The following IQCH variants were observed in gnomAD, a reference collection of about 807,000 sequenced individuals.
IQCH encodes IQ domain-containing protein H.
Under a neutral mutation model 117.0 loss-of-function variants are expected in IQCH, and 98 were observed. That is an observed-to-expected ratio of 0.84 (90% CI 0.71 to 0.99). The LOEUF (loss-of-function observed/expected upper bound fraction) is 0.99. Among genes scored for constraint, IQCH ranks in the 50% least tolerant of loss-of-function variants. The probability of loss-of-function intolerance (pLI) is 0.00; values close to 1 mark genes in which losing one functional copy is unlikely to be tolerated. For synonymous variants in IQCH, 412 were observed against 448.2 expected (o/e 0.92, Z 1.02); for missense variants, 1,102 against 1,243.8 (o/e 0.89, Z 1.72).
chr15:67,326,247 T>A (rs1477620892), intron 4 of IQCH, among the ~76,000 whole-genome samples: 2 of 152,194 alleles, frequency 1.3e-5, no homozygotes, highest in African/African-American at 2.4e-5. Flanking sequence ...GATAGTTTGC[T>A]CAGAATCATG....
chr15:67,318,977 A>G (rs1003402223), intron 4 of IQCH, among the ~76,000 whole-genome samples: 1 of 152,268 alleles, frequency 6.6e-6, no homozygotes, highest in African/African-American at 2.4e-5. Flanking sequence ...CTGTAATCCC[A>G]GCACTTTGGG....
chr15:67,442,884 A>G (rs1567193385), intron 16 of IQCH, among the ~76,000 whole-genome samples: 1 of 148,588 alleles, frequency 6.7e-6, no homozygotes, highest in Non-Finnish European at 1.5e-5. Flanking sequence ...ATATATATAT[A>G]AAATACATAT....
In IQCH at chr15:67,386,581, ATTATT is replaced by A. The variant is rs1392932766; in HGVS notation, c.1456+1563_1456+1567del. ...AAGTAATAATTTTATGGAAGAATACATTATTATCCCCTATGGTTTTTCTTCTTATT... is the reference window on the plus strand; with the variant it reads ...AAGTAATAATTTTATGGAAGAATACAATCCCCTATGGTTTTTCTTCTTATT... On this transcript the variant is annotated intron_variant, in intron 11 of 20. Coordinates refer to ENST00000335894, the MANE Select transcript of IQCH (RefSeq NM_001031715.3). The surrounding 1 kb of genome is among the most constrained non-coding windows in gnomAD (Gnocchi z 5.0). 6.6e-6 allele frequency among the ~76,000 whole-genome samples: 1 copy of A among 152,184 alleles called. No homozygotes were observed. The highest frequency in any genetic ancestry group is 2.4e-5 in the African/African-American group (1 of 41,450).
At position 67,370,366 on chromosome 15, in the gene IQCH, C is replaced by T. The variant is rs939153859; in HGVS notation, c.754-1745C>T. Among the ~76,000 whole-genome samples the T allele has an allele frequency of 6.6e-6, 1 of 152,240 alleles. No homozygotes were observed. Among genetic ancestry groups the T allele is most frequent in the African/African-American group, 2.4e-5 (1 of 41,470 alleles). Reference sequence around the variant, plus strand: ...CGTGACTGGCAGGACCAGCCAGCTCCATACATGTCCATCTGTGATTATTTT... The same window carrying T: ...CGTGACTGGCAGGACCAGCCAGCTCTATACATGTCCATCTGTGATTATTTT... On this transcript the variant is annotated intron_variant, in intron 8 of 20. Coordinates refer to ENST00000335894, the MANE Select transcript of IQCH (RefSeq NM_001031715.3). This position sits in a 1 kb window ranked among gnomAD's most constrained non-coding sequence, Gnocchi z 5.6.
Position 67,500,145 on chromosome 15 carries a change from G to A in IQCH, c.2971-488G>A, listed in dbSNP as rs1333559130. 6.6e-6 allele frequency among the ~76,000 whole-genome samples: 1 copy of A among 152,228 alleles called. No homozygotes were observed. Among genetic ancestry groups the A allele is most frequent in the African/African-American group, 2.4e-5 (1 of 41,546 alleles). On this transcript the variant is annotated intron_variant, in intron 20 of 20. Transcript: ENST00000335894. This position sits in a 1 kb window ranked among gnomAD's most constrained non-coding sequence, Gnocchi z 4.4. ...TGTACTTCAATAAAATATAAACAAA[G>A]TAAATGGGAATGTGTCATTTTTTTC...
At chr15:67,348,365 A>ACACACACACACACACACG (rs1969500128) in intron 6 of IQCH, among the ~76,000 whole-genome samples, 1 of 151,650 alleles carries the variant, frequency 6.6e-6, no homozygotes, top group African/African-American at 2.4e-5. Flanking sequence ...TCACACACAC[A>ACACACACACACACACACG]CACACACACA....
intron 10 of IQCH, 198 bp downstream of exon 10, chr15:67,373,631 A>G: frequency 1.5e-6 from 1 of 663,638 alleles, no homozygotes; most frequent in Non-Finnish European, 2.7e-6. Flanking sequence ...AAATAAAGTC[A>G]TTATGTGGGG....
rs113922953 is a variant in IQCH at position 67,262,832 on chromosome 15, A to T, written c.175-290A>T. Among the ~76,000 whole-genome samples the T allele has an allele frequency of 2.5e-3, 374 of 152,146 alleles. 4 individuals carry two copies. The highest frequency in any genetic ancestry group is 8.7e-3 in the African/African-American group (362 of 41,510). ...CCTTGGAGGCTGAGGCTGCAGTGAG[A>T]CATCACTCCACTGCCCTTCAGCCTG... On this transcript the variant is annotated intron_variant, in intron 2 of 20. Transcript: ENST00000335894.
At position 67,393,827 on chromosome 15, in the gene IQCH, T is replaced by G. The variant is rs1971368468; in HGVS notation, c.1633-1464T>G. ...CCACGGTGCCTAGCCTGACTTTATT[T>G]TTAAGAGGGTTTTCTCTGTAATAAT... On this transcript the variant is annotated intron_variant, in intron 12 of 20. Transcript: ENST00000335894. The surrounding 1 kb of genome is among the most constrained non-coding windows in gnomAD (Gnocchi z 5.5). Among the ~76,000 whole-genome samples the G allele has an allele frequency of 6.6e-6, 1 of 152,160 alleles. No individual in the cohort carries two copies. Among genetic ancestry groups the G allele is most frequent in the African/African-American group, 2.4e-5 (1 of 41,434 alleles).
At chr15:67,371,441 A>G (rs1970528479) in intron 8 of IQCH, 1 of 1,465,646 alleles carries the variant, frequency 6.8e-7, no homozygotes, top group Non-Finnish European at 9.0e-7. Context: ...TGTGATCCTA[A>G]TCCACCTGGG....
intron 3 of IQCH, among the ~76,000 whole-genome samples, chr15:67,273,527 CAAA>C (rs779123296): frequency 7.2e-5 from 11 of 152,046 alleles, no homozygotes; most frequent in Non-Finnish European, 1.6e-4. Flanking sequence ...ATAATAGAAA[CAAA>C]GAAAAAACTT....
At chr15:67,437,091 A>C (rs995854760) in intron 16 of IQCH, among the ~76,000 whole-genome samples, 2 of 152,204 alleles carry the variant, frequency 1.3e-5, no homozygotes, top group African/African-American at 4.8e-5. Context: ...GCAGGCGGCC[A>C]ACCAGCACAA....
At chr15:67,409,363 T>C (rs2081385945) in intron 14 of IQCH, among the ~76,000 whole-genome samples, 1 of 152,002 alleles carries the variant, frequency 6.6e-6, no homozygotes, top group Non-Finnish European at 1.5e-5. Context: ...CAGCCCCCTG[T>C]GGTGAGAGGA....
At chr15:67,300,437 G>T (rs1184396208) in intron 4 of IQCH, among the ~76,000 whole-genome samples, 1 of 152,146 alleles carries the variant, frequency 6.6e-6, no homozygotes, top group Non-Finnish European at 1.5e-5. Context: ...CTCAAATCAG[G>T]ACTTGACGTC....
At chr15:67,254,995 T>C (rs1282436431) in intron 1 of IQCH, 48 bp downstream of exon 1, 2 of 1,574,442 alleles carry the variant, frequency 1.3e-6, no homozygotes, top group South Asian at 2.2e-5. Flanking sequence ...CCGCGCCACT[T>C]CCGAGCGAGG....
At chr15:67,314,962 G>A (rs1047449200) in intron 4 of IQCH, among the ~76,000 whole-genome samples, 1 of 152,168 alleles carries the variant, frequency 6.6e-6, no homozygotes, top group Non-Finnish European at 1.5e-5. Context: ...TAATATTGAT[G>A]TCTTATAGGC....
Position 67,395,870 on chromosome 15 carries a change from A to G in IQCH, c.1905+307A>G, listed in dbSNP as rs941632764. On this transcript the variant is annotated intron_variant, in intron 13 of 20. Transcript: ENST00000335894. The surrounding 1 kb of genome is among the most constrained non-coding windows in gnomAD (Gnocchi z 4.0). ...TTTTTAGTAGAGATGGGGTTTCACC[A>G]TGTTGGCCAGGCTGGTCTCGAACTC... Among the ~76,000 whole-genome samples the G allele has an allele frequency of 6.7e-4, 102 of 151,984 alleles. No homozygotes were observed. The highest frequency in any genetic ancestry group is 3.1e-4 in the Non-Finnish European group (21 of 67,966).
rs1356391496 is a variant in IQCH at position 67,458,044 on chromosome 15, A to G, written c.2506-7083A>G. ...CCCAGGCCCAGAAGTGAGAGCAGAG[A>G]AAAAGCTTCTTCCCTCCCAGGAACT... On this transcript the variant is annotated intron_variant, in intron 16 of 20. Coordinates refer to ENST00000335894, the MANE Select transcript of IQCH (RefSeq NM_001031715.3). This position sits in a 1 kb window ranked among gnomAD's most constrained non-coding sequence, Gnocchi z 4.1. Among the ~76,000 whole-genome samples, 1 of 152,230 alleles carries G rather than the reference A, an allele frequency of 6.6e-6. No homozygotes were observed. The highest frequency in any genetic ancestry group is 2.4e-5 in the African/African-American group (1 of 41,466).
intron 18 of IQCH, among the ~76,000 whole-genome samples, chr15:67,489,038 T>A (rs2083568454): frequency 7.2e-6 from 1 of 139,704 alleles, no homozygotes; most frequent in South Asian, 2.1e-4. Flanking sequence ...CATATATAAT[T>A]TTTTTTTTTT....
Sources: allele counts gnomAD v4.1 joint callset (sites outside exome capture counted in the v4.1 genomes callset), GRCh38; gene constraint gnomAD v4.1.1; non-coding constraint Gnocchi (gnomAD v3.1); transcripts MANE v1.5; gene names NCBI Gene and HGNC (gene_info 2026-07-23, HGNC 2026-07-21).